Variants in NEK11 observed in about 807,000 individuals in gnomAD.
NEK11 encodes the protein NIMA related kinase 11.
A neutral mutation model predicts 80.7 loss-of-function variants in NEK11; 72 were observed. That is an observed-to-expected ratio of 0.89 (90% CI 0.74 to 1.08). The LOEUF (loss-of-function observed/expected upper bound fraction) is 1.08. NEK11 is among the 50% of genes least tolerant of loss of function. The pLI is 0.00. For missense variants in NEK11, 764 were observed against 763.6 expected, an observed-to-expected ratio of 1.00 and a Z score of -0.01; for synonymous variants, 251 against 260.7, an observed-to-expected ratio of 0.96 and a Z score of 0.36.
At chr3:131,160,904 G>A (rs1299761939) in intron 10 of NEK11, among the ~76,000 whole-genome samples, 1 of 152,204 alleles carries the variant, frequency 6.6e-6, no homozygotes, top group East Asian at 1.9e-4. Context: ...CCCAATACAG[G>A]AGCACCCAGA....
At chr3:131,295,714 T>G (rs2096586394) in intron 17 of NEK11, among the ~76,000 whole-genome samples, 1 of 152,228 alleles carries the variant, frequency 6.6e-6, no homozygotes, top group Non-Finnish European at 1.5e-5. Context: ...TGATTTCTTT[T>G]TATGGTTTTA....
At chr3:131,073,422 C>T (rs1008057325) in intron 3 of NEK11, among the ~76,000 whole-genome samples, 2 of 152,140 alleles carry the variant, frequency 1.3e-5, no homozygotes, top group Non-Finnish European at 2.9e-5. Flanking sequence ...TAGACAGCAG[C>T]CAGAAATAGC....
Position 131,069,975 on chromosome 3 carries a change from A to C in NEK11, c.171-10448A>C, listed in dbSNP as rs2072964347. Among the ~76,000 whole-genome samples, 7 of 148,428 alleles carry C rather than the reference A, an allele frequency of 4.7e-5. No homozygotes were observed. The South Asian group carries it at 1.5e-3, about 32-fold the overall frequency. On this transcript the variant is annotated intron_variant, in intron 3 of 17. Transcript: ENST00000383366. ...ACATGTACCCTAAAACTTAAAGTATAATAAAAAAAAAATACAAACCTGGAA... is the reference window on the plus strand; with the variant it reads ...ACATGTACCCTAAAACTTAAAGTATCATAAAAAAAAAATACAAACCTGGAA...
rs2090019201 is a variant in NEK11, at chr3:131,153,161, G to A, written c.876+452G>A. Among the ~76,000 whole-genome samples the A allele has an allele frequency of 2.6e-5, 4 of 152,316 alleles. 1 individual carries two copies. The South Asian group carries it at 8.3e-4, about 32-fold the overall frequency. ...ACAATCTCTTTCCAAAATAAGGTGTGTGTGAACTCCCATTCCCCAGTGCCA... is the reference window on the plus strand; with the variant it reads ...ACAATCTCTTTCCAAAATAAGGTGTATGTGAACTCCCATTCCCCAGTGCCA... On this transcript the variant is annotated intron_variant, in intron 9 of 17. Transcript: ENST00000383366.
Position 131,168,928 on chromosome 3 carries a change from C to A in NEK11, c.1275C>A (p.Gly425=), listed in dbSNP as rs368035113. 1 of 1,613,258 alleles carries A rather than the reference C, an allele frequency of 6.2e-7. No individual in the cohort carries two copies. The highest frequency in any genetic ancestry group is 8.5e-7 in the Non-Finnish European group (1 of 1,179,416). ...ACGAGGATGAAGAGAGGTGGCAAGGCAGGGAAGAGGCAAGTTTAATCATAT... is the reference window on the plus strand; with the variant it reads ...ACGAGGATGAAGAGAGGTGGCAAGGAAGGGAAGAGGCAAGTTTAATCATAT... ...PQDEDEERWQ[G]REEESDEPTL... is the part of the protein sequence containing the mutation. Residue 425 remains glycine (G), a synonymous_variant, in exon 13 of 18, where the codon GGC becomes GGA. Transcript: ENST00000383366.
In NEK11 at chr3:131,118,125, C is replaced by T. The variant is rs151175366; in HGVS notation, c.455+8204C>T. ...GGCTGTGGGTTTGTCCTAAATAGCT[C>T]TTATTATTTTGAGATACATTCCATC... is the stretch of plus-strand genomic sequence containing the variant. On this transcript the variant is annotated intron_variant, in intron 5 of 17. Transcript: ENST00000383366. 5.2e-3 allele frequency among the ~76,000 whole-genome samples: 795 copies of T among 152,122 alleles called. 4 individuals carry two copies. Among genetic ancestry groups the T allele is most frequent in the African/African-American group, 0.018 (743 of 41,486 alleles).
chr3:131,028,768 A>G (rs1560082005), intron 2 of NEK11, among the ~76,000 whole-genome samples: 1 of 152,098 alleles, frequency 6.6e-6, no homozygotes, highest in South Asian at 2.1e-4. Context: ...GTTAGCCAGG[A>G]TGGTCTCGAT....
chr3:131,263,014 T>C (rs915597764), intron 16 of NEK11, among the ~76,000 whole-genome samples: 1 of 152,190 alleles, frequency 6.6e-6, no homozygotes, highest in Non-Finnish European at 1.5e-5. Flanking sequence ...TATGGCTCCA[T>C]AGTATTCCAT....
In NEK11 at chr3:131,115,740, C is replaced by T. The variant is rs145636603; in HGVS notation, c.455+5819C>T. On this transcript the variant is annotated intron_variant, in intron 5 of 17. Coordinates refer to ENST00000383366, the MANE Select transcript of NEK11 (RefSeq NM_024800.5). ...TGCAGAGAGCCCACCTGCTGGTGGTCTCAAGGCCTTGCTGATTTTGGTGCT... is the reference window on the plus strand; with the variant it reads ...TGCAGAGAGCCCACCTGCTGGTGGTTTCAAGGCCTTGCTGATTTTGGTGCT... Among the ~76,000 whole-genome samples, 396 of 152,122 alleles carry T rather than the reference C, an allele frequency of 2.6e-3. 3 individuals carry two copies. The highest frequency in any genetic ancestry group is 9.1e-3 in the African/African-American group (379 of 41,512).
chr3:131,275,637 T>A (rs1440552773), intron 17 of NEK11, among the ~76,000 whole-genome samples: 4 of 152,174 alleles, frequency 2.6e-5, no homozygotes, highest in Non-Finnish European at 4.4e-5. Flanking sequence ...CTTATGCCAT[T>A]CCAGAAAAGG....
At chr3:131,166,216 A>G (rs2092214944) in intron 12 of NEK11, among the ~76,000 whole-genome samples, 1 of 152,230 alleles carries the variant, frequency 6.6e-6, no homozygotes, top group Non-Finnish European at 1.5e-5. Flanking sequence ...GGATGAAGCC[A>G]TTTTTATAGA....
At chr3:131,205,228 A>T (rs888483283) in intron 14 of NEK11, among the ~76,000 whole-genome samples, 4 of 152,188 alleles carry the variant, frequency 2.6e-5, no homozygotes, top group African/African-American at 9.7e-5. Context: ...ATCAAATTGA[A>T]ATTTAAATGG....
At chr3:131,182,113 T>G (rs1016020575) in intron 14 of NEK11, among the ~76,000 whole-genome samples, 4 of 151,282 alleles carry the variant, frequency 2.6e-5, no homozygotes, top group African/African-American at 9.7e-5. Flanking sequence ...ACTCTTTCAT[T>G]TTTTGAAGTG....
In NEK11 at chr3:131,189,208, C is replaced by T. The variant is rs181530619; in HGVS notation, c.1399+18321C>T. 1.3e-4 allele frequency among the ~76,000 whole-genome samples: 20 copies of T among 152,254 alleles called. No individual in the cohort carries two copies. In the East Asian group the frequency reaches 3.9e-3, roughly 29 times the overall value. On this transcript the variant is annotated intron_variant, in intron 14 of 17. Transcript: ENST00000383366. ...AGTGCCCTGATTTTGGACTTCTGACCTCCAGAATTGTGAGAGAATAAATTT... is the reference window on the plus strand; with the variant it reads ...AGTGCCCTGATTTTGGACTTCTGACTTCCAGAATTGTGAGAGAATAAATTT...
chr3:131,169,122 T>C (rs1453575306), intron 13 of NEK11, among the ~76,000 whole-genome samples, 185 bp downstream of exon 13: 1 of 152,088 alleles, frequency 6.6e-6, no homozygotes, highest in Non-Finnish European at 1.5e-5. Flanking sequence ...ATTAGATTAA[T>C]CAGATGCAAG....
chr3:131,273,417 C>A, intron 16 of NEK11, 61 bp from the exon 17 acceptor site: 1 of 1,307,716 alleles, frequency 7.6e-7, no homozygotes, highest in Non-Finnish European at 1.1e-6. Flanking sequence ...TGCCCTTGAA[C>A]ATCGCCTTGA....
chr3:131,328,909 TGAGGGACTCTGGAGTCGTCCTCA>T (rs2097022898), intron 17 of NEK11: 1 of 152,234 alleles, frequency 6.6e-6, no homozygotes. Context: ...TCCAAGGAGT[TGAGGGACTCTGGAGTCGTCCTCA>T]GAGGACTCCA....
rs967007717 is a variant in NEK11, at chr3:131,155,105, C to G, written c.946C>G (p.His316Asp). 6.2e-7 allele frequency: 1 copy of G among 1,607,302 alleles called. No individual in the cohort carries two copies. Residue 316 changes from histidine to aspartate, a missense_variant, in exon 10 of 18, where the codon CAT (histidine) becomes GAT (aspartate). Physicochemically the swap from His to Asp is moderately conservative, Grantham distance 81. Coordinates refer to ENST00000383366, the MANE Select transcript of NEK11 (RefSeq NM_024800.5). ...TTTGGATTGTCAGAAGGAGGCTGCT[C>G]ATATAATTAATGCCATGTAAGTAAT... ...KNLDCQKEAAHIINAMQKRIH... is the reference protein window; with the variant it reads ...KNLDCQKEAADIINAMQKRIH...
chr3:131,215,428 A>T (rs1268105480), intron 14 of NEK11, among the ~76,000 whole-genome samples: 1 of 152,122 alleles, frequency 6.6e-6, no homozygotes, highest in Non-Finnish European at 1.5e-5. Context: ...ATAACAAAAA[A>T]ATATATAAAA....
Sources: allele counts gnomAD v4.1 joint callset (sites outside exome capture counted in the v4.1 genomes callset), GRCh38; gene constraint gnomAD v4.1.1; transcripts MANE v1.5; gene names NCBI Gene and HGNC (gene_info 2026-07-23, HGNC 2026-07-21).